DCAF6: variants seen among roughly 807,000 people sequenced by gnomAD.
DCAF6 encodes DDB1- and CUL4-associated factor 6.
In DCAF6, 54 loss-of-function variants were observed where a neutral mutation model predicts 125.1. The ratio of observed to expected loss-of-function variants is 0.43; its 90% CI spans 0.35 to 0.54. The LOEUF (loss-of-function observed/expected upper bound fraction) is 0.54, where lower values mean the gene tolerates loss of function less well. DCAF6 is among the 20% of genes least tolerant of loss of function. The pLI, the probability that DCAF6 is intolerant of heterozygous loss-of-function variation, is 0.01. For missense variants in DCAF6, 934 were observed against 1,161.7 expected, an observed-to-expected ratio of 0.80 and a Z score of 2.85; for synonymous variants, 371 against 390.4, an observed-to-expected ratio of 0.95 and a Z score of 0.58.
the DCAF6 span, among the ~76,000 whole-genome samples, chr1:167,865,800 C>A: frequency 1.3e-5 from 2 of 152,210 alleles, no homozygotes; most frequent in Non-Finnish European, 2.9e-5. Flanking sequence ...TATGCTTGTG[C>A]ACATGGCAGG....
chr1:168,065,254 A>T (rs373685438), intron 18 of DCAF6, among the ~76,000 whole-genome samples: 35 of 152,238 alleles, frequency 2.3e-4, no homozygotes, highest in African/African-American at 7.9e-4. Flanking sequence ...ACTTACTGCC[A>T]TCTTACCCTT....
At chr1:167,933,909 T>C (rs532946686), upstream of DCAF6, among the ~76,000 whole-genome samples, 2 of 152,312 alleles carry the variant, frequency 1.3e-5, no homozygotes, top group East Asian at 1.9e-4. Context: ...CTACATGTTT[T>C]AGAGACATTA....
chr1:168,066,232 T>C, intron 19 of DCAF6, 145 bp from the exon 20 acceptor site: 1 of 454,606 alleles, frequency 2.2e-6, no homozygotes, highest in Non-Finnish European at 3.8e-6. Flanking sequence ...ATTGTCAAAA[T>C]AATATTTTCA....
At chr1:167,875,810 AGGCATGGT>A in the DCAF6 span, among the ~76,000 whole-genome samples, 1 of 152,240 alleles carries the variant, frequency 6.6e-6, no homozygotes, top group East Asian at 1.9e-4. Flanking sequence ...GAAATTAGCC[AGGCATGGT>A]GGCGGTTGCC....
intron 10 of DCAF6, among the ~76,000 whole-genome samples, chr1:168,008,277 T>A (rs1034032048): frequency 2.2e-4 from 33 of 152,148 alleles, no homozygotes; most frequent in African/African-American, 6.5e-4. Flanking sequence ...CCTATTGTTG[T>A]ACGTCATAAA....
At chr1:168,016,011 T>G in intron 11 of DCAF6, 60 bp downstream of exon 11, 1 of 1,294,326 alleles carries the variant, frequency 7.7e-7, no homozygotes, top group Non-Finnish European at 1.0e-6. Context: ...ACTGCTACTG[T>G]GTAATAAGGT....
the DCAF6 span, among the ~76,000 whole-genome samples, chr1:167,915,676 C>T: frequency 6.6e-6 from 1 of 152,148 alleles, no homozygotes; most frequent in Non-Finnish European, 1.5e-5. Flanking sequence ...GTCGCGAACT[C>T]CTGACCTCAG....
At chr1:167,906,557 A>G in the DCAF6 span, among the ~76,000 whole-genome samples, 38 of 151,464 alleles carry the variant, frequency 2.5e-4, no homozygotes, top group African/African-American at 8.7e-4. Flanking sequence ...GGAGGCCTAC[A>G]CAGGAGTATT....
the DCAF6 span, among the ~76,000 whole-genome samples, chr1:167,868,315 CA>C: frequency 6.6e-6 from 1 of 152,020 alleles, no homozygotes; most frequent in Non-Finnish European, 1.5e-5. Flanking sequence ...ATTCCCGGCC[CA>C]AAAGAATCAC....
At chr1:167,919,907 CA>C in the DCAF6 span, 142,495 of 823,966 alleles carry the variant, frequency 0.17, 83 homozygotes, top group East Asian at 0.22. Flanking sequence ...GACCCCGTCT[CA>C]AAAAAAAAAA....
chr1:167,880,693 C>T, the DCAF6 span: 31 of 1,061,294 alleles, frequency 2.9e-5, no homozygotes, highest in Non-Finnish European at 4.0e-5. Flanking sequence ...AGAGAGCCGG[C>T]GGCAATTTTT....
At chr1:167,920,484 A>G in the DCAF6 span, 3 of 1,538,328 alleles carry the variant, frequency 2.0e-6, no homozygotes, top group Non-Finnish European at 2.7e-6. Context: ...ATAAACTGAT[A>G]TAAAAGAAAA....
At chr1:167,899,619 G>A in the DCAF6 span, 3 of 1,613,796 alleles carry the variant, frequency 1.9e-6, no homozygotes, top group Non-Finnish European at 2.5e-6. Flanking sequence ...GATGTGGCCA[G>A]CAGCCAGTCC....
chr1:168,053,378 A>G (rs954321566), intron 17 of DCAF6, among the ~76,000 whole-genome samples: 7 of 152,208 alleles, frequency 4.6e-5, no homozygotes, highest in African/African-American at 1.7e-4. Flanking sequence ...TCCCTGCATG[A>G]TATGGGTTTT....
chr1:168,047,669 T>A (rs912757625), intron 16 of DCAF6, among the ~76,000 whole-genome samples: 3 of 151,908 alleles, frequency 2.0e-5, no homozygotes, highest in African/African-American at 7.2e-5. Flanking sequence ...TAGAAAACAT[T>A]TAATATATGA....
At chr1:167,980,452 G>A (rs886857798) in intron 4 of DCAF6, among the ~76,000 whole-genome samples, 1 of 152,006 alleles carries the variant, frequency 6.6e-6, no homozygotes, top group African/African-American at 2.4e-5. Flanking sequence ...GTGTGCAAGG[G>A]TGCCAACTTC....
chr1:167,967,819 C>T (rs977239032), intron 3 of DCAF6, among the ~76,000 whole-genome samples: 11 of 149,790 alleles, frequency 7.3e-5, no homozygotes, highest in African/African-American at 2.7e-4. Context: ...CAACCTCTGC[C>T]TCCTGCGTTC....
the DCAF6 span, among the ~76,000 whole-genome samples, chr1:167,881,013 G>A: frequency 6.6e-6 from 1 of 152,280 alleles, no homozygotes; most frequent in East Asian, 1.9e-4. Context: ...TGGAAACTTA[G>A]ATAAGTCTAT....
intron 7 of DCAF6, among the ~76,000 whole-genome samples, chr1:167,999,885 A>G (rs567951520): frequency 6.6e-6 from 1 of 152,250 alleles, no homozygotes; most frequent in Non-Finnish European, 1.5e-5. Flanking sequence ...GCACTTTTCT[A>G]AAAGTTCCTT....
Sources: allele counts gnomAD v4.1 joint callset (sites outside exome capture counted in the v4.1 genomes callset), GRCh38; gene constraint gnomAD v4.1.1; transcripts MANE v1.5; gene names NCBI Gene and HGNC (gene_info 2026-07-23, HGNC 2026-07-21).